The following NUP35 variants were observed in gnomAD, a reference collection of about 807,000 sequenced individuals.
NUP35 encodes the protein nucleoporin NUP35.
NUP35 carries 25 observed loss-of-function variants against 41.5 expected under a neutral mutation model. The observed-to-expected ratio is 0.60, with a 90% CI of 0.44 to 0.84. NUP35 has a LOEUF of 0.84. Among genes scored for constraint, NUP35 ranks in the 40% least tolerant of loss-of-function variants. The probability of loss-of-function intolerance (pLI) is 0.00; values close to 1 mark genes in which losing one functional copy is unlikely to be tolerated. For missense variants in NUP35, 396 were observed against 396.6 expected (o/e 1.00, Z 0.01); for synonymous variants, 149 against 130.7 (o/e 1.14, Z -0.96).
At chr2:183,136,042 A>G (rs1684863943) in intron 4 of NUP35, among the ~76,000 whole-genome samples, 2 of 152,244 alleles carry the variant, frequency 1.3e-5, no homozygotes, top group South Asian at 4.1e-4. Context: ...TTCTTGAGGC[A>G]GTCTGTGAGC....
chr2:183,160,898 C>T (rs948823370), intron 8 of NUP35, 156 bp from the exon 9 acceptor site: 12 of 522,452 alleles, frequency 2.3e-5, no homozygotes, highest in African/African-American at 1.2e-4. Context: ...CTGGCTAACA[C>T]GGTGAAACCC....
upstream of NUP35, among the ~76,000 whole-genome samples, chr2:183,121,630 G>A (rs1429700740): frequency 1.3e-5 from 2 of 151,886 alleles, no homozygotes; most frequent in Admixed American, 6.6e-5. Context: ...TCAGGAGATC[G>A]AGACCATCCT....
Position 183,158,360 on chromosome 2 carries a change from G to A in NUP35, c.687G>A (p.Gly229=). Residue 229 remains glycine (G), a synonymous_variant, in exon 7 of 9, where the codon GGG becomes GGA. Coordinates refer to ENST00000295119, the MANE Select transcript of NUP35 (RefSeq NM_138285.5). ...CTCGGAAAGCCTTAAGCAAAGATGG[G>A]AGGATTTTTGGAGAATCCATCATGA... The part of the protein sequence containing the change: ...LQARKALSKD[G]RIFGESIMIG... The A allele has an allele frequency of 6.2e-7, 1 of 1,609,350 alleles. No homozygotes were observed. The highest frequency in any genetic ancestry group is 8.5e-7 in the Non-Finnish European group (1 of 1,176,918).
At chr2:183,137,361 T>C (rs1684911000) in intron 4 of NUP35, among the ~76,000 whole-genome samples, 1 of 152,244 alleles carries the variant, frequency 6.6e-6, no homozygotes. Context: ...GGTGGATCAC[T>C]TGAGTCCAGG....
At chr2:183,140,049 A>G (rs768584382) in intron 4 of NUP35, among the ~76,000 whole-genome samples, 10 of 152,200 alleles carry the variant, frequency 6.6e-5, no homozygotes, top group Non-Finnish European at 1.0e-4. Flanking sequence ...AATAAAAACT[A>G]TCCTTATTCT....
chr2:183,146,191 G>A (rs745431224), intron 4 of NUP35, among the ~76,000 whole-genome samples: 13 of 152,038 alleles, frequency 8.6e-5, no homozygotes, highest in Non-Finnish European at 4.4e-5. Flanking sequence ...GGCTGAGATC[G>A]TGCCACTGCA....
At chr2:183,140,822 CA>C (rs34256493) in intron 4 of NUP35, among the ~76,000 whole-genome samples, 4,548 of 89,468 alleles carry the variant, frequency 0.051, 64 homozygotes, top group Admixed American at 0.071. Flanking sequence ...AAACTCCATT[CA>C]AAAAAAAAAA....
chr2:183,135,291 CAA>C (rs1325060341), intron 4 of NUP35, among the ~76,000 whole-genome samples: 1 of 152,116 alleles, frequency 6.6e-6, no homozygotes, highest in Non-Finnish European at 1.5e-5. Context: ...AAACTTTACT[CAA>C]AAGTCTGTAA....
chr2:183,148,190 T>A (rs1685345210), intron 4 of NUP35, among the ~76,000 whole-genome samples: 1 of 152,224 alleles, frequency 6.6e-6, no homozygotes, highest in Non-Finnish European at 1.5e-5. Context: ...CACCACATTT[T>A]CTTTATTCAT....
intron 3 of NUP35, among the ~76,000 whole-genome samples, chr2:183,131,852 A>G (rs1268110060): frequency 1.3e-5 from 2 of 152,082 alleles, no homozygotes; most frequent in Non-Finnish European, 2.9e-5. Context: ...CACGTATGGA[A>G]TTTATTGTTC....
chr2:183,155,898 C>G (rs1402573067), intron 5 of NUP35, among the ~76,000 whole-genome samples: 1 of 152,132 alleles, frequency 6.6e-6, no homozygotes, highest in South Asian at 2.1e-4. Flanking sequence ...TTTTTACTTT[C>G]GTGTTTTAAT....
chr2:183,148,139 C>T (rs1685343920), intron 4 of NUP35, among the ~76,000 whole-genome samples: 1 of 152,098 alleles, frequency 6.6e-6, no homozygotes. Flanking sequence ...AAATTGATTC[C>T]TTTCCTTTAA....
In NUP35 at chr2:183,152,068, G is replaced by A. The variant is rs540628543; in HGVS notation, c.539+419G>A. Reference sequence around the variant, plus strand: ...TCTAGTGACTGGTTCTCTACATCTAGTGGAATTCACCAGTTTTGAATTAAC... The same window carrying A: ...TCTAGTGACTGGTTCTCTACATCTAATGGAATTCACCAGTTTTGAATTAAC... On this transcript the variant is annotated intron_variant, in intron 5 of 8. Transcript: ENST00000295119. 8.5e-4 allele frequency among the ~76,000 whole-genome samples: 127 copies of A among 148,716 alleles called. 1 individual carries two copies. The highest frequency in any genetic ancestry group is 3.5e-3 in the Middle Eastern group (1 of 286).
intron 4 of NUP35, among the ~76,000 whole-genome samples, chr2:183,138,270 T>TATATATATATATATATATATATATATA (rs1553530933): frequency 7.9e-5 from 2 of 25,332 alleles, no homozygotes; most frequent in African/African-American, 2.6e-4. Flanking sequence ...TATATATATA[T>TATATATATATATATATATATATATATA]TTTTTTTTTT....
At position 183,158,376 on chromosome 2, in the gene NUP35, T is replaced by C. The variant is rs755824983; in HGVS notation, c.703T>C (p.Ser235Pro). ...CAAAGATGGGAGGATTTTTGGAGAA[T>C]CCATCATGATTGGTGTAAAACCATG... is the stretch of plus-strand genomic sequence containing the variant. Reference protein sequence around the residue: ...LSKDGRIFGESIMIGVKPCID... With the variant: ...LSKDGRIFGEPIMIGVKPCID... Residue 235 changes from serine to proline, a missense_variant, in exon 7 of 9, where the codon TCC (serine) becomes CCC (proline). Ser to Pro is a moderately conservative substitution (Grantham distance 74, BLOSUM62 -1). Transcript: ENST00000295119. 1 of 1,608,888 alleles carries C rather than the reference T, an allele frequency of 6.2e-7. No homozygotes were observed. The highest frequency in any genetic ancestry group is 8.5e-7 in the Non-Finnish European group (1 of 1,176,718).
intron 4 of NUP35, among the ~76,000 whole-genome samples, chr2:183,143,062 A>ACCTC (rs1448130551): frequency 2.0e-5 from 3 of 151,064 alleles, no homozygotes; most frequent in East Asian, 3.9e-4. Flanking sequence ...AGGCTGAGGC[A>ACCTC]GGAGAATGGC....
chr2:183,140,336 A>T (rs1440966026), intron 4 of NUP35, among the ~76,000 whole-genome samples: 1 of 151,784 alleles, frequency 6.6e-6, no homozygotes, highest in Non-Finnish European at 1.5e-5. Flanking sequence ...TTTCTACATT[A>T]TTATTTTCCT....
At chr2:183,150,137 C>T (rs548596709) in intron 4 of NUP35, among the ~76,000 whole-genome samples, 3 of 152,160 alleles carry the variant, frequency 2.0e-5, no homozygotes, top group Non-Finnish European at 2.9e-5. Context: ...AAACTCCTGA[C>T]GTCATGATCC....
chr2:183,124,765 A>T (rs1700126171), intron 1 of NUP35, among the ~76,000 whole-genome samples: 1 of 152,176 alleles, frequency 6.6e-6, no homozygotes, highest in African/African-American at 2.4e-5. Flanking sequence ...GTGCCCCCAC[A>T]CGCCAGCCAC....
Sources: gnomAD v4.1 joint callset for allele counts (sites outside exome capture counted in the v4.1 genomes callset) on GRCh38, gnomAD v4.1.1 for gene constraint, MANE v1.5 for transcripts, NCBI Gene and HGNC (gene_info 2026-07-23, HGNC 2026-07-21) for gene names.